The following EDDM13 variants were observed in gnomAD, a reference collection of about 807,000 sequenced individuals.
The protein encoded by EDDM13 is epididymal protein 13.
In EDDM13, 24 loss-of-function variants were observed where a neutral mutation model predicts 17.8. The observed-to-expected ratio is 1.35, with a 90% CI of 0.98 to 1.90. The LOEUF (loss-of-function observed/expected upper bound fraction) is 1.90. Ranked by LOEUF, EDDM13 falls within the 40% of genes most tolerant of loss-of-function variation. EDDM13 has a pLI of 0.00. For missense variants in EDDM13, 97 were observed against 100.8 expected (o/e 0.96, Z 0.16); for synonymous variants, 31 against 37.5 (o/e 0.83, Z 0.63).
intron 5 of EDDM13, among the ~76,000 whole-genome samples, chr19:56,284,513 A>ATT (rs11374260): frequency 0.033 from 3,956 of 118,184 alleles, 159 homozygotes; most frequent in African/African-American, 0.048. Context: ...GCTTGCTGTA[A>ATT]TTTTTTTTTT....
At chr19:56,275,489 G>A (rs527594518) in intron 1 of EDDM13, among the ~76,000 whole-genome samples, 6 of 152,142 alleles carry the variant, frequency 3.9e-5, no homozygotes, top group Non-Finnish European at 8.8e-5. Context: ...CCAGCACTTC[G>A]GGAGGCCAAC....
At chr19:56,304,631 A>G (rs2040565449) in intron 13 of EDDM13, 162 bp from the exon 14 acceptor site, 1 of 206,536 alleles carries the variant, frequency 4.8e-6, no homozygotes, top group Admixed American at 6.5e-5. Flanking sequence ...GGCTGAATAG[A>G]GAAGCAAGAC....
intron 2 of EDDM13, among the ~76,000 whole-genome samples, chr19:56,281,180 T>C (rs2038669567): frequency 6.6e-6 from 1 of 152,164 alleles, no homozygotes; most frequent in Non-Finnish European, 1.5e-5. Context: ...TGGAAGTGGA[T>C]CATTATCAAG....
intron 5 of EDDM13, 57 bp downstream of exon 5, chr19:56,284,263 TG>T: frequency 1.2e-6 from 1 of 811,706 alleles, no homozygotes; most frequent in African/African-American, 1.9e-5. Context: ...CGGGAAATTT[TG>T]GGCTTTGCTC....
At chr19:56,308,809 T>G (rs2040861159) in intron 14 of EDDM13, among the ~76,000 whole-genome samples, 1 of 152,214 alleles carries the variant, frequency 6.6e-6, no homozygotes, top group African/African-American at 2.4e-5. Context: ...CTGGGGAGGA[T>G]GCTGAAGGAA....
intron 1 of EDDM13, chr19:56,274,964 G>A (rs1161868684): frequency 6.6e-6 from 1 of 152,166 alleles, no homozygotes; most frequent in Non-Finnish European, 1.5e-5. Context: ...CTCAATTTGG[G>A]TTTGTCTGAA....
chr19:56,281,361 T>TGTAC (rs1323664753), intron 2 of EDDM13, among the ~76,000 whole-genome samples: 1 of 110,154 alleles, frequency 9.1e-6, no homozygotes, highest in African/African-American at 3.4e-5. Flanking sequence ...GGTGTGTGTA[T>TGTAC]GTACACATAT....
chr19:56,280,315 G>T (rs1362391345), intron 2 of EDDM13, among the ~76,000 whole-genome samples: 2 of 152,058 alleles, frequency 1.3e-5, no homozygotes, highest in Non-Finnish European at 2.9e-5. Context: ...AATATTTCTT[G>T]TATGGAAGTC....
chr19:56,302,014 G>A lies in EDDM13; in HGVS notation c.342G>A (p.Lys114=). Residue 114 remains lysine, a synonymous_variant, in exon 13 of 15, where the codon AAG becomes AAA. Coordinates refer to ENST00000649256, the MANE Select transcript of EDDM13 (RefSeq NM_001354658.2). Reference sequence around the variant, plus strand: ...CCCCATCCAGGAAACCACTCCCCAAGAGGAAGAACACGTGGAACTTCCTGA... The same window carrying A: ...CCCCATCCAGGAAACCACTCCCCAAAAGGAAGAACACGTGGAACTTCCTGA... ...GTTPSRKPLP[K]RKNTWNFLKC... 2.4e-6 allele frequency: 3 copies of A among 1,232,104 alleles called. No homozygotes were observed. Among genetic ancestry groups the A allele is most frequent in the South Asian group, 8.2e-5 (2 of 24,326 alleles). 76.3% of individuals were successfully genotyped at this position (1,232,104 alleles called of 1,614,324 possible).
At chr19:56,287,216 T>TC (rs1311034396) in intron 6 of EDDM13, among the ~76,000 whole-genome samples, 1 of 152,232 alleles carries the variant, frequency 6.6e-6, no homozygotes, top group Non-Finnish European at 1.5e-5. Flanking sequence ...AGAACTCTCC[T>TC]CCTTGCCCAT....
chr19:56,304,896 A>G, intron 14 of EDDM13, 66 bp downstream of exon 14: 1 of 609,702 alleles, frequency 1.6e-6, no homozygotes, highest in Non-Finnish European at 2.1e-6. Context: ...GTTCATCCCA[A>G]CTGCCTGGCA....
chr19:56,302,303 CTCT>C (rs1281925387), intron 13 of EDDM13, among the ~76,000 whole-genome samples: 3 of 149,434 alleles, frequency 2.0e-5, no homozygotes, highest in Admixed American at 1.3e-4. Flanking sequence ...TCCTTCTTCC[CTCT>C]TTTCTCCCTC....
intron 12 of EDDM13, among the ~76,000 whole-genome samples, chr19:56,301,026 C>T (rs2040192464): frequency 1.3e-5 from 2 of 151,964 alleles, no homozygotes; most frequent in Non-Finnish European, 2.9e-5. Context: ...AAGAGCAGAG[C>T]CTGAAGCCTG....
At chr19:56,287,147 T>G (rs1443391772) in intron 6 of EDDM13, among the ~76,000 whole-genome samples, 1 of 152,230 alleles carries the variant, frequency 6.6e-6, no homozygotes, top group Non-Finnish European at 1.5e-5. Context: ...CCGAGTTTTG[T>G]CCATCTTAGG....
In EDDM13 at chr19:56,272,849, G is replaced by A; in HGVS notation, c.15G>A (p.Glu5=). The A allele has an allele frequency of 1.0e-6, 1 of 985,292 alleles. No homozygotes were observed. The highest frequency in any genetic ancestry group is 1.2e-6 in the Non-Finnish European group (1 of 829,836). 61.0% of individuals were successfully genotyped at this position (985,292 alleles called of 1,614,324 possible). A position where few individuals can be genotyped will look rare whatever the true frequency, so the allele number is the denominator to read the frequency against. The change falls in exon 1 of 15, where the codon GAG becomes GAA. Residue 5 remains glutamate, a synonymous_variant. Transcript: ENST00000649256. ...CCAGCCCCATCATGCACAGATCAGA[G>A]CCATTTCTGAAAATGTCGCTGCTGA... The part of the protein sequence containing the change: MHRS[E]PFLKMSLLIL...
At chr19:56,285,632 T>C (rs182709501) in intron 6 of EDDM13, among the ~76,000 whole-genome samples, 2 of 152,142 alleles carry the variant, frequency 1.3e-5, no homozygotes, top group East Asian at 1.9e-4. Flanking sequence ...TTTTAATTTT[T>C]AAATTATTAT....
At chr19:56,284,927 G>T in intron 5 of EDDM13, 71 bp from the exon 6 acceptor site, 1 of 788,634 alleles carries the variant, frequency 1.3e-6, no homozygotes, top group Non-Finnish European at 1.5e-6. Context: ...GTTGAACTGG[G>T]AGAAATCCAT....
chr19:56,302,525 CCTCCCTCT>C (rs1238641444), intron 13 of EDDM13, among the ~76,000 whole-genome samples: 5 of 93,066 alleles, frequency 5.4e-5, no homozygotes, highest in African/African-American at 1.6e-4. Flanking sequence ...TTCCTCCCTC[CCTCCCTCT>C]TCTTCCTCCC....
intron 8 of EDDM13, among the ~76,000 whole-genome samples, chr19:56,289,141 C>T (rs1261036577): frequency 3.3e-5 from 5 of 152,188 alleles, no homozygotes; most frequent in Non-Finnish European, 7.3e-5. Flanking sequence ...TAGCGACTAC[C>T]ACTTCCCATG....
Sources: allele counts gnomAD v4.1 joint callset (sites outside exome capture counted in the v4.1 genomes callset), GRCh38; gene constraint gnomAD v4.1.1; transcripts MANE v1.5; gene names NCBI Gene and HGNC (gene_info 2026-07-23, HGNC 2026-07-21).